ASAP1: variants seen among roughly 807,000 people sequenced by gnomAD.
ASAP1 encodes ArfGAP with SH3 domain, ankyrin repeat and PH domain 1.
ASAP1 carries 43 observed loss-of-function variants against 145.2 expected under a neutral mutation model. That is an observed-to-expected ratio of 0.30 (90% CI 0.23 to 0.38). The LOEUF is 0.38. ASAP1 is among the 10% of genes least tolerant of loss of function. ASAP1 has a pLI of 1.00. For synonymous variants in ASAP1, 546 were observed against 515.5 expected (o/e 1.06, Z -0.80); for missense variants, 1,018 against 1,355.3 (o/e 0.75, Z 3.91).
chr8:130,378,838 G>A (rs1827628619), intron 2 of ASAP1, among the ~76,000 whole-genome samples: 1 of 152,266 alleles, frequency 6.6e-6, no homozygotes, highest in Non-Finnish European at 1.5e-5. Context: ...TCCAATAAAT[G>A]TGCACACATA....
intron 3 of ASAP1, among the ~76,000 whole-genome samples, chr8:130,300,153 C>CACACACAGAGAGAGAG (rs1196584279): frequency 1.2e-3 from 89 of 76,900 alleles, no homozygotes; most frequent in East Asian, 1.5e-3. Flanking sequence ...CACACACACA[C>CACACACAGAGAGAGAG]AGAGAGAGAG....
chr8:130,238,692 T>C lies in ASAP1; in HGVS notation c.187-1698A>G, dbSNP rs1276789749. Among the ~76,000 whole-genome samples the C allele has an allele frequency of 2.0e-5, 3 of 152,144 alleles. No homozygotes were observed. The East Asian group carries it at 5.8e-4, about 29-fold the overall frequency. On this transcript the variant is annotated intron_variant, in intron 3 of 29. Transcript: ENST00000518721. ...AGAAACCTGTTAAGGATCATCTTCA[T>C]TTTTCAGATAAGGAAATGTAGTAGA...
chr8:130,363,802 A>C (rs1826824378), intron 2 of ASAP1, among the ~76,000 whole-genome samples: 1 of 152,132 alleles, frequency 6.6e-6, no homozygotes, highest in Admixed American at 6.6e-5. Context: ...ACTTTGTTAG[A>C]TACAGTATTT....
At chr8:130,234,980 T>G (rs1818128220) in intron 4 of ASAP1, among the ~76,000 whole-genome samples, 1 of 152,180 alleles carries the variant, frequency 6.6e-6, no homozygotes, top group South Asian at 2.1e-4. Context: ...ACCTACTATG[T>G]GGCAGGCAGT....
At chr8:130,254,555 A>G (rs1223715830) in intron 3 of ASAP1, among the ~76,000 whole-genome samples, 1 of 152,210 alleles carries the variant, frequency 6.6e-6, no homozygotes, top group East Asian at 1.9e-4. Context: ...ATTGCAAACA[A>G]ATACATTAAA....
chr8:130,386,916 C>T (rs1482172378), intron 2 of ASAP1: 2 of 152,180 alleles, frequency 1.3e-5, no homozygotes, highest in Non-Finnish European at 2.9e-5. Flanking sequence ...TACCAACGCT[C>T]AAGAAAACCT....
At chr8:130,262,542 C>T (rs1471271081) in intron 3 of ASAP1, among the ~76,000 whole-genome samples, 1 of 148,576 alleles carries the variant, frequency 6.7e-6, no homozygotes, top group Non-Finnish European at 1.5e-5. Flanking sequence ...AAATAATTAT[C>T]AAGTATGAAG....
At chr8:130,413,474 C>G (rs1047601830) in intron 1 of ASAP1, among the ~76,000 whole-genome samples, 1 of 152,204 alleles carries the variant, frequency 6.6e-6, no homozygotes, top group Non-Finnish European at 1.5e-5. Context: ...GAACTATTTT[C>G]TCTCCCAACA....
intron 15 of ASAP1, among the ~76,000 whole-genome samples, chr8:130,128,787 A>G (rs2097579004): frequency 6.6e-6 from 1 of 152,234 alleles, no homozygotes; most frequent in Non-Finnish European, 1.5e-5. Flanking sequence ...GGCCTGAAAT[A>G]ACCACAAAGT....
chr8:130,399,886 C>T (rs998458642), intron 2 of ASAP1, among the ~76,000 whole-genome samples: 1 of 144,272 alleles, frequency 6.9e-6, no homozygotes, highest in African/African-American at 2.6e-5. Context: ...ATGGCGCAAT[C>T]TCGGCTCACC....
chr8:130,114,989 G>T (rs1297615625), intron 23 of ASAP1, among the ~76,000 whole-genome samples: 2 of 152,032 alleles, frequency 1.3e-5, no homozygotes, highest in Non-Finnish European at 2.9e-5. Context: ...CGAATTCCTG[G>T]TCTCAAGCGA....
intron 5 of ASAP1, among the ~76,000 whole-genome samples, chr8:130,204,488 G>T (rs1816076690): frequency 6.6e-6 from 1 of 152,112 alleles, no homozygotes; most frequent in Non-Finnish European, 1.5e-5. Context: ...AGGAGTAAAT[G>T]AGGCTACATA....
intron 3 of ASAP1, among the ~76,000 whole-genome samples, chr8:130,312,849 T>G (rs1823443028): frequency 6.6e-6 from 1 of 152,186 alleles, no homozygotes; most frequent in African/African-American, 2.4e-5. Context: ...TGGATTTGGT[T>G]TTGCCAATGT....
intron 3 of ASAP1, among the ~76,000 whole-genome samples, chr8:130,255,396 T>G (rs1819448502): frequency 6.6e-6 from 1 of 152,224 alleles, no homozygotes; most frequent in African/African-American, 2.4e-5. Flanking sequence ...CTAATAAATG[T>G]TTTATGTGCA....
At chr8:130,384,489 G>T (rs1565269674) in intron 2 of ASAP1, among the ~76,000 whole-genome samples, 1 of 152,046 alleles carries the variant, frequency 6.6e-6, no homozygotes, top group Non-Finnish European at 1.5e-5. Context: ...AGGATAGTGT[G>T]TTTTTTTCAG....
In ASAP1 at chr8:130,309,263, G is replaced by A. The variant is rs1424233906; in HGVS notation, c.186+48754C>T. 2.0e-5 allele frequency among the ~76,000 whole-genome samples: 3 copies of A among 152,140 alleles called. No homozygotes were observed. The East Asian group carries it at 5.8e-4, about 29-fold the overall frequency. ...ATGGTGGACACAGAGAGACAGGTGA[G>A]CAATTAATTTCAACAGAATGAATAA... On this transcript the variant is annotated intron_variant, in intron 3 of 29. Coordinates refer to ENST00000518721, the MANE Select transcript of ASAP1 (RefSeq NM_018482.4).
chr8:130,199,574 G>A (rs1815733733), intron 5 of ASAP1, among the ~76,000 whole-genome samples: 3 of 152,212 alleles, frequency 2.0e-5, no homozygotes, highest in African/African-American at 4.8e-5. Flanking sequence ...CAGGAGACCT[G>A]TTCTAGACTT....
chr8:130,064,893 ATGTGTGTGTGTGTGTGTGTG>A (rs34905534), intron 27 of ASAP1, among the ~76,000 whole-genome samples: 38 of 142,656 alleles, frequency 2.7e-4, no homozygotes, highest in Admixed American at 7.8e-4. Context: ...TTTACTAAGA[ATGTGTGTGTGTGTGTGTGTG>A]TGTGTGTGTG....
rs180849521 is a variant in ASAP1, at chr8:130,409,219, G to A, written c.-27-7249C>T. Among the ~76,000 whole-genome samples the A allele has an allele frequency of 3.8e-3, 582 of 151,842 alleles. 4 individuals carry two copies. The highest frequency in any genetic ancestry group is 0.014 in the African/African-American group (563 of 41,400). ...AGAGGTTGTAGTGAGCCGAGATTGC[G>A]CCACTGCACTCCAGCCTGGGTGACA... On this transcript the variant is annotated intron_variant, in intron 1 of 29. Transcript: ENST00000518721.
Sources: gnomAD v4.1 joint callset for allele counts (sites outside exome capture counted in the v4.1 genomes callset) on GRCh38, gnomAD v4.1.1 for gene constraint, MANE v1.5 for transcripts, NCBI Gene and HGNC (gene_info 2026-07-23, HGNC 2026-07-21) for gene names.